ACTR3C: variants seen among roughly 807,000 people sequenced by gnomAD.
ACTR3C encodes the protein actin-related protein 3C.
A neutral mutation model predicts 26.3 loss-of-function variants in ACTR3C; 18 were observed. That is an observed-to-expected ratio of 0.68 (90% CI 0.47 to 1.01). ACTR3C has a LOEUF of 1.01. Among genes scored for constraint, ACTR3C ranks in the 50% least tolerant of loss-of-function variants. The probability of loss-of-function intolerance (pLI) is 0.00; values close to 1 mark genes in which losing one functional copy is unlikely to be tolerated. For synonymous variants in ACTR3C, 55 were observed against 94.5 expected (o/e 0.58, Z 2.42); for missense variants, 184 against 250.7 (o/e 0.73, Z 1.80).
intron 1 of ACTR3C, among the ~76,000 whole-genome samples, chr7:150,311,241 G>T (rs10237116): frequency 0.039 from 5,895 of 152,126 alleles, 370 homozygotes; most frequent in African/African-American, 0.14. Flanking sequence ...ACCTTTTTCC[G>T]TCCACACAGC....
At chr7:150,121,337 C>T in the ACTR3C span, among the ~76,000 whole-genome samples, 5 of 152,068 alleles carry the variant, frequency 3.3e-5, no homozygotes, top group Admixed American at 6.6e-5. Flanking sequence ...AACCCCATTG[C>T]CTCAGCCCAA....
the ACTR3C span, chr7:150,047,612 C>G: frequency 9.5e-7 from 1 of 1,048,782 alleles, no homozygotes; most frequent in Non-Finnish European, 1.2e-6. Flanking sequence ...CTCTTACGTC[C>G]TCCTTGTCAC....
the ACTR3C span, among the ~76,000 whole-genome samples, chr7:150,039,696 C>CA: frequency 5.6e-3 from 698 of 123,672 alleles, no homozygotes; most frequent in African/African-American, 0.019. Flanking sequence ...GGTCCTAAGC[C>CA]GGGGGGGAAG....
At chr7:150,279,095 G>C (rs558150600) in intron 6 of ACTR3C, among the ~76,000 whole-genome samples, 1 of 152,264 alleles carries the variant, frequency 6.6e-6, no homozygotes, top group Non-Finnish European at 1.5e-5. Flanking sequence ...TTGAGGCCAG[G>C]CGTTTAAGAC....
At chr7:150,318,538 C>T (rs971269629) in intron 1 of ACTR3C, among the ~76,000 whole-genome samples, 11 of 152,102 alleles carry the variant, frequency 7.2e-5, no homozygotes, top group Non-Finnish European at 1.5e-4. Context: ...CCAAGGTGGG[C>T]GGATCACGAG....
At chr7:150,295,391 A>T in intron 1 of ACTR3C, 44 bp from the exon 2 acceptor site, 2 of 1,576,768 alleles carry the variant, frequency 1.3e-6, no homozygotes, top group Non-Finnish European at 1.7e-6. Flanking sequence ...CCCAAATTTC[A>T]TGTAAATACA....
the ACTR3C span, among the ~76,000 whole-genome samples, chr7:149,996,151 G>C: frequency 2.0e-5 from 3 of 152,280 alleles, no homozygotes; most frequent in Non-Finnish European, 4.4e-5. Flanking sequence ...GGGAGCATCT[G>C]CCAGCAGTGC....
chr7:150,272,542 A>G (rs1182538559), intron 6 of ACTR3C, among the ~76,000 whole-genome samples: 1 of 139,752 alleles, frequency 7.2e-6, no homozygotes, highest in Non-Finnish European at 1.5e-5. Flanking sequence ...GTGAGGAAAA[A>G]GCAGAAAAAA....
intron 6 of ACTR3C, among the ~76,000 whole-genome samples, chr7:150,262,369 T>C (rs1439688323): frequency 6.6e-6 from 1 of 152,296 alleles, no homozygotes; most frequent in East Asian, 1.9e-4. Flanking sequence ...TGGAACTCAG[T>C]AATGGATGTT....
chr7:149,966,391 G>A, the ACTR3C span, among the ~76,000 whole-genome samples: 8 of 152,220 alleles, frequency 5.3e-5, no homozygotes, highest in Non-Finnish European at 1.2e-4. Context: ...TGAGAAACAT[G>A]AGTGTTTCGG....
chr7:150,266,659 T>C (rs1462420996), intron 6 of ACTR3C, among the ~76,000 whole-genome samples: 1 of 152,146 alleles, frequency 6.6e-6, no homozygotes, highest in Admixed American at 6.5e-5. Flanking sequence ...AAAAAAAATC[T>C]GCAACACATA....
chr7:150,003,718 CTGGTG>C, the ACTR3C span, among the ~76,000 whole-genome samples: 25 of 150,228 alleles, frequency 1.7e-4, no homozygotes, highest in African/African-American at 4.9e-4. Context: ...TGTGTGGTGT[CTGGTG>C]TGGTGTGGTG....
At chr7:150,183,696 C>CAAAAAAAAAAAAAAAAAAAAAAAA in the ACTR3C span, among the ~76,000 whole-genome samples, 1 of 48,032 alleles carries the variant, frequency 2.1e-5, no homozygotes, top group African/African-American at 6.9e-5. Context: ...GTGGCTATGG[C>CAAAAAAAAAAAAAAAAAAAAAAAA]AAAAAAAAAA....
chr7:149,989,324 T>G, the ACTR3C span, among the ~76,000 whole-genome samples: 1 of 152,160 alleles, frequency 6.6e-6, no homozygotes, highest in Admixed American at 6.5e-5. Flanking sequence ...AAATCTACTC[T>G]CTTAGCAATT....
intron 1 of ACTR3C, among the ~76,000 whole-genome samples, chr7:150,309,462 T>TC (rs1283092437): frequency 1.3e-5 from 2 of 152,164 alleles, no homozygotes; most frequent in African/African-American, 2.4e-5. Flanking sequence ...TTCAAGGTGT[T>TC]CAACAATAAA....
the ACTR3C span, among the ~76,000 whole-genome samples, chr7:150,021,021 G>A: frequency 5.1e-4 from 78 of 152,030 alleles, 1 homozygote; most frequent in Admixed American, 2.2e-3. Flanking sequence ...GGGTTTCACC[G>A]TTTTGGCGAG....
At chr7:150,300,351 C>CA (rs1202285815) in intron 1 of ACTR3C, among the ~76,000 whole-genome samples, 2 of 151,566 alleles carry the variant, frequency 1.3e-5, no homozygotes, top group African/African-American at 2.4e-5. Flanking sequence ...GACTCCATCT[C>CA]AAAAAAAACA....
At chr7:150,254,385 A>G (rs914069829) in intron 6 of ACTR3C, among the ~76,000 whole-genome samples, 1 of 152,220 alleles carries the variant, frequency 6.6e-6, no homozygotes, top group African/African-American at 2.4e-5. Context: ...AAGCCTCCCA[A>G]TTGTCCTATA....
chr7:150,264,600 G>A, intron 6 of ACTR3C: 17 of 975,736 alleles, frequency 1.7e-5, no homozygotes, highest in Non-Finnish European at 1.9e-5. Flanking sequence ...GTATATAAAT[G>A]TATATTAAAA....
Sources: gnomAD v4.1 joint callset for allele counts (sites outside exome capture counted in the v4.1 genomes callset) on GRCh38, gnomAD v4.1.1 for gene constraint, MANE v1.5 for transcripts, NCBI Gene and HGNC (gene_info 2026-07-23, HGNC 2026-07-21) for gene names.